Variants in CRAMP1 observed in about 807,000 individuals in gnomAD.
CRAMP1 encodes cramped chromatin regulator 1.
Under a neutral mutation model 115.4 loss-of-function variants are expected in CRAMP1, and 50 were observed. The ratio of observed to expected loss-of-function variants is 0.43; its 90% CI spans 0.35 to 0.55. The LOEUF is 0.55. Ranked by LOEUF, CRAMP1 falls within the 20% of genes least tolerant of loss-of-function variation. CRAMP1 has a pLI of 0.01. For missense variants in CRAMP1, 1,679 were observed against 1,721.7 expected, an observed-to-expected ratio of 0.98 and a Z score of 0.44; for synonymous variants, 866 against 745.4, an observed-to-expected ratio of 1.16 and a Z score of -2.64.
intron 19 of CRAMP1, among the ~76,000 whole-genome samples, chr16:1,670,227 G>A (rs2036910294): frequency 6.6e-6 from 1 of 151,864 alleles, no homozygotes; most frequent in South Asian, 2.1e-4. Flanking sequence ...GATCACCACT[G>A]CACTGCAGCC....
intron 6 of CRAMP1, among the ~76,000 whole-genome samples, chr16:1,646,465 C>A (rs973445412): frequency 2.6e-5 from 4 of 152,216 alleles, no homozygotes; most frequent in Admixed American, 6.5e-5. Context: ...ACTCATGACA[C>A]CGAGTGTCTT....
chr16:1,669,249 C>G lies in CRAMP1; in HGVS notation c.3499+84C>G, dbSNP rs1365604662. On this transcript the variant is annotated intron_variant, in intron 19 of 20. Transcript: ENST00000397412. This position sits in a 1 kb window ranked among gnomAD's most constrained non-coding sequence, Gnocchi z 4.6. Reference sequence around the variant, plus strand: ...CGGGACACTGGATTCTCATTCTACTCAAACTCCCACTAGGACTGTTGGCTT... The same window carrying G: ...CGGGACACTGGATTCTCATTCTACTGAAACTCCCACTAGGACTGTTGGCTT... 1 of 1,063,852 alleles carries G rather than the reference C, an allele frequency of 9.4e-7. No individual in the cohort carries two copies. The highest frequency in any genetic ancestry group is 1.3e-6 in the Non-Finnish European group (1 of 754,102). 65.9% of individuals were successfully genotyped at this position (1,063,852 alleles called of 1,614,324 possible).
At position 1,674,244 on chromosome 16, in the gene CRAMP1, G is replaced by T. The variant is rs2036948292; in HGVS notation, c.*199G>T. 5.0e-6 allele frequency: 3 copies of T among 600,042 alleles called. No individual in the cohort carries two copies. The East Asian group carries it at 8.4e-5, about 17-fold the overall frequency. 37.2% of individuals were successfully genotyped at this position (600,042 alleles called of 1,614,324 possible). ...AGACTAGGATGAGTTCTTGGCAAGG[G>T]CCAGCGTTAGAAATCACTGTGGTAC... On this transcript the variant is annotated 3_prime_UTR_variant, in exon 21 of 21. Transcript: ENST00000397412.
At chr16:1,642,092 A>G (rs2036637369) in intron 6 of CRAMP1, among the ~76,000 whole-genome samples, 1 of 152,158 alleles carries the variant, frequency 6.6e-6, no homozygotes, top group Admixed American at 6.5e-5. Context: ...TGAACCACAG[A>G]TATTGGGTCT....
chr16:1,640,547 C>T (rs954041229), intron 5 of CRAMP1, among the ~76,000 whole-genome samples: 2 of 152,222 alleles, frequency 1.3e-5, no homozygotes, highest in African/African-American at 4.8e-5. Flanking sequence ...CACCTAGTCT[C>T]TCCCGTTAAC....
Position 1,677,130 on chromosome 16 carries a change from C to T in CRAMP1, c.*3085C>T, listed in dbSNP as rs1243814766. 1 of 152,620 alleles carries T rather than the reference C, an allele frequency of 6.6e-6. No homozygotes were observed. The highest frequency in any genetic ancestry group is 2.4e-5 in the African/African-American group (1 of 41,442). The allele number at this position is 152,620 out of a possible 1,614,324, so 9.5% of individuals were successfully genotyped here. ...TAGCCGATGCATTTGTCAGGAAATACAGCACTTTGTCTTAAGAAAACAAGG... is the reference window on the plus strand; with the variant it reads ...TAGCCGATGCATTTGTCAGGAAATATAGCACTTTGTCTTAAGAAAACAAGG... On this transcript the variant is annotated 3_prime_UTR_variant, in exon 21 of 21. Transcript: ENST00000397412.
chr16:1,667,306 G>A (rs925357206), intron 16 of CRAMP1, 29 bp from the exon 17 acceptor site: 33 of 1,606,040 alleles, frequency 2.1e-5, no homozygotes, highest in South Asian at 5.5e-5. Context: ...TGCACCCTGC[G>A]GCTGCTCATG....
At chr16:1,612,833 C>T (rs1204051997) in intron 1 of CRAMP1, among the ~76,000 whole-genome samples, 176 bp downstream of exon 1, 1 of 151,984 alleles carries the variant, frequency 6.6e-6, no homozygotes, top group East Asian at 1.9e-4. Flanking sequence ...CGGTGCGGAG[C>T]GGGACGGGGC....
intron 10 of CRAMP1, among the ~76,000 whole-genome samples, chr16:1,657,210 T>G (rs936467831): frequency 2.6e-5 from 4 of 152,196 alleles, no homozygotes; most frequent in Non-Finnish European, 5.9e-5. Context: ...CAGACTACTT[T>G]CCTCTCCCTC....
intron 3 of CRAMP1, among the ~76,000 whole-genome samples, chr16:1,629,138 A>G (rs1378513174): frequency 6.6e-6 from 1 of 152,072 alleles, no homozygotes; most frequent in Non-Finnish European, 1.5e-5. Context: ...TTTGCCATAC[A>G]GTTCTTGATT....
Position 1,648,120 on chromosome 16 carries a change from GA to G in CRAMP1, c.828-4365del, listed in dbSNP as rs372464410. ...AAGGGTGCACTTAGTTTGATTGAAGGAAAAAAAAAAAGGAAGTCACAAAATA... is the reference window on the plus strand; with the variant it reads ...AAGGGTGCACTTAGTTTGATTGAAGGAAAAAAAAAAGGAAGTCACAAAATA... On this transcript the variant is annotated intron_variant, in intron 6 of 20. Coordinates refer to ENST00000397412, the MANE Select transcript of CRAMP1 (RefSeq NM_020825.4). 1.9e-3 allele frequency among the ~76,000 whole-genome samples: 278 copies of G among 143,072 alleles called. 1 individual carries two copies. The highest frequency in any genetic ancestry group is 3.6e-3 in the Middle Eastern group (1 of 280). The allele number at this position is 143,072 out of a possible 152,430, so 93.9% of individuals were successfully genotyped here.
chr16:1,650,139 A>T (rs1269131663), intron 6 of CRAMP1, among the ~76,000 whole-genome samples: 1 of 152,106 alleles, frequency 6.6e-6, no homozygotes, highest in African/African-American at 2.4e-5. Context: ...TTTTGGGGTG[A>T]TGGTAAAATC....
chr16:1,641,385 G>T (rs1359166797), intron 6 of CRAMP1, among the ~76,000 whole-genome samples, 198 bp downstream of exon 6: 1 of 152,206 alleles, frequency 6.6e-6, no homozygotes, highest in Non-Finnish European at 1.5e-5. Flanking sequence ...CCTGCCCCGG[G>T]GAGGGAAGGA....
At chr16:1,616,694 C>T (rs1019810016) in intron 2 of CRAMP1, among the ~76,000 whole-genome samples, 18 of 152,106 alleles carry the variant, frequency 1.2e-4, no homozygotes, top group Non-Finnish European at 2.1e-4. Context: ...GCTTCTTGTC[C>T]CATTGTGTGG....
At chr16:1,660,816 G>A (rs560284795) in intron 11 of CRAMP1, among the ~76,000 whole-genome samples, 1 of 152,284 alleles carries the variant, frequency 6.6e-6, no homozygotes, top group African/African-American at 2.4e-5. Flanking sequence ...ATACCAGCCT[G>A]GCCAACATGG....
At position 1,652,514 on chromosome 16, in the gene CRAMP1, C is replaced by T. The variant is rs768884081; in HGVS notation, c.846C>T (p.Tyr282=). ...TTCCCAGGGCCACCACTGTACGTTA[C>T]AAAGGGCGGAACCTGCGGATCAAAG... The part of the protein sequence containing the change: ...LIQVGATTVR[Y]KGRNLRIKAP... Residue 282 remains tyrosine, a synonymous_variant, in exon 7 of 21, where the codon TAC becomes TAT. Coordinates refer to ENST00000397412, the MANE Select transcript of CRAMP1 (RefSeq NM_020825.4). The T allele has an allele frequency of 7.1e-6, 11 of 1,552,232 alleles. No individual in the cohort carries two copies. The highest frequency in any genetic ancestry group is 9.6e-6 in the Non-Finnish European group (11 of 1,147,214).
At position 1,626,040 on chromosome 16, in the gene CRAMP1, C is replaced by T; in HGVS notation, c.414C>T (p.Gly138=). The T allele has an allele frequency of 6.4e-7, 1 of 1,551,614 alleles. No individual in the cohort carries two copies. Among genetic ancestry groups the T allele is most frequent in the Non-Finnish European group, 8.7e-7 (1 of 1,146,936 alleles). ...TTGCCCCTGCTGCCCCTGCAGGGGG[C>T]TCGCGCTCCTCCTCCCGGAACTTAG... ...SGVAPAAPAG[G]SRSSSRNLGS... Residue 138 remains glycine (G), a synonymous_variant, in exon 3 of 21, where the codon GGC becomes GGT. Coordinates refer to ENST00000397412, the MANE Select transcript of CRAMP1 (RefSeq NM_020825.4).
Position 1,614,806 on chromosome 16 carries a change from C to G in CRAMP1, c.167C>G (p.Ala56Gly). ...KRDEKTPRAG[A>G]DGPPAPPGAP... is the part of the protein sequence containing the mutation. The stretch of plus-strand genomic sequence containing the variant: ...GACGAGAAGACCCCCCGGGCCGGCG[C>G]CGACGGCCCCCCCGCGCCCCCCGGC... Residue 56 changes from alanine (A) to glycine (G), a missense_variant, in exon 2 of 21, where the codon GCC becomes GGC. Ala to Gly is a moderately conservative substitution (Grantham distance 60). Around this residue, in one of 8 missense-constraint regions of CRAMP1, gnomAD observed 264 missense variants for 229.7 expected, o/e 1.15. Coordinates refer to ENST00000397412, the MANE Select transcript of CRAMP1 (RefSeq NM_020825.4). This position sits in a 1 kb window ranked among gnomAD's most constrained non-coding sequence, Gnocchi z 4.4. The G allele has an allele frequency of 2.3e-6, 3 of 1,281,112 alleles. No homozygotes were observed. The highest frequency in any genetic ancestry group is 3.0e-6 in the Non-Finnish European group (3 of 1,016,366). The allele number at this position is 1,281,112 out of a possible 1,614,324, so 79.4% of individuals were successfully genotyped here.
chr16:1,641,000 G>T, intron 5 of CRAMP1, 139 bp from the exon 6 acceptor site: 1 of 618,350 alleles, frequency 1.6e-6, no homozygotes, highest in Non-Finnish European at 2.8e-6. Flanking sequence ...TGCAGCTACT[G>T]TAGGGCTTTT....
Sources: allele counts gnomAD v4.1 joint callset (sites outside exome capture counted in the v4.1 genomes callset), GRCh38; gene constraint gnomAD v4.1.1; regional missense constraint gnomAD v4.1.1; non-coding constraint Gnocchi (gnomAD v3.1); transcripts MANE v1.5; gene names NCBI Gene and HGNC (gene_info 2026-07-23, HGNC 2026-07-21).